SLC23A2: variants seen among roughly 807,000 people sequenced by gnomAD.
SLC23A2 encodes Na(+)/L-ascorbic acid transporter 2.
Under a neutral mutation model 73.3 loss-of-function variants are expected in SLC23A2, and 36 were observed. The observed-to-expected ratio is 0.49, with a 90% CI of 0.38 to 0.65. The LOEUF is 0.65. Among genes scored for constraint, SLC23A2 ranks in the 30% least tolerant of loss-of-function variants. The probability of loss-of-function intolerance (pLI) is 0.00; values close to 1 mark genes in which losing one functional copy is unlikely to be tolerated. For missense variants in SLC23A2, 507 were observed against 841.6 expected (o/e 0.60, Z 4.92); for synonymous variants, 343 against 327.3 (o/e 1.05, Z -0.52).
At chr20:4,934,315 C>T (rs1041839592) in intron 2 of SLC23A2, among the ~76,000 whole-genome samples, 3 of 152,060 alleles carry the variant, frequency 2.0e-5, no homozygotes, top group Non-Finnish European at 1.5e-5. Context: ...TAAATAGAGG[C>T]CAGGTGTGCT....
chr20:4,857,279 CACAT>C lies in SLC23A2; in HGVS notation c.1721-79_1721-76del, dbSNP rs1278263783. 67 of 543,816 alleles carry C rather than the reference CACAT, an allele frequency of 1.2e-4. No individual in the cohort carries two copies. Among genetic ancestry groups the C allele is most frequent in the South Asian group, 1.4e-4 (7 of 49,010 alleles). 33.7% of individuals were successfully genotyped at this position (543,816 alleles called of 1,614,324 possible). A position where few individuals can be genotyped will look rare whatever the true frequency, so the allele number is the denominator to read the frequency against. On this transcript the variant is annotated intron_variant, in intron 16 of 16. Coordinates refer to ENST00000338244, the MANE Select transcript of SLC23A2 (RefSeq NM_005116.6). The surrounding 1 kb of genome is among the most constrained non-coding windows in gnomAD (Gnocchi z 4.0). ...TACTGAAAATGAAACTGTCGTCAAA[CACAT>C]ACACACACACACACACACACACACA...
At chr20:4,961,157 G>A (rs1413473671) in intron 2 of SLC23A2, among the ~76,000 whole-genome samples, 1 of 149,916 alleles carries the variant, frequency 6.7e-6, no homozygotes, top group Non-Finnish European at 1.5e-5. Flanking sequence ...GCCCAGGCTG[G>A]AGTGCGGCGG....
In SLC23A2 at chr20:4,955,356, AACACACACACACACACACACAC is replaced by A. The variant is rs71197734; in HGVS notation, c.-155+15415_-155+15436del. 4.8e-5 allele frequency among the ~76,000 whole-genome samples: 7 copies of A among 144,720 alleles called. No homozygotes were observed. In the South Asian group the frequency reaches 6.9e-4, roughly 14 times the overall value. The allele number at this position is 144,720 out of a possible 152,430, so 94.9% of individuals were successfully genotyped here. Reference sequence around the variant, plus strand: ...TCTGTCTACCCAGAAAATGAGTTAAAACACACACACACACACACACACACACACACACACACACACACCCTAG... The same window carrying A: ...TCTGTCTACCCAGAAAATGAGTTAAAACACACACACACACACACACCCTAG... On this transcript the variant is annotated intron_variant, in intron 2 of 16. Transcript: ENST00000338244.
chr20:4,987,571 G>C (rs149945641), intron 1 of SLC23A2, among the ~76,000 whole-genome samples: 1 of 152,162 alleles, frequency 6.6e-6, no homozygotes, highest in Non-Finnish European at 1.5e-5. Context: ...CTATGTGGCC[G>C]GGCGCGGTGG....
rs1464746852 is a variant in SLC23A2 at position 4,854,876 on chromosome 20, T to C, written c.*2096A>G. ...TCTGCTCACCTGGAGAGCTAGAAGA[T>C]TGCAAATCTCTGGGATGTTTAGCAG... On this transcript the variant is annotated 3_prime_UTR_variant, in exon 17 of 17. Coordinates refer to ENST00000338244, the MANE Select transcript of SLC23A2 (RefSeq NM_005116.6). 3.3e-5 allele frequency: 5 copies of C among 152,224 alleles called. No homozygotes were observed. Among genetic ancestry groups the C allele is most frequent in the African/African-American group, 1.2e-4 (5 of 41,416 alleles). The allele number at this position is 152,224 out of a possible 1,614,324, so 9.4% of individuals were successfully genotyped here. A position where few individuals can be genotyped will look rare whatever the true frequency, so the allele number is the denominator to read the frequency against.
intron 13 of SLC23A2, among the ~76,000 whole-genome samples, chr20:4,865,150 A>G (rs1930139433): frequency 6.6e-6 from 1 of 152,106 alleles, no homozygotes; most frequent in Non-Finnish European, 1.5e-5. Context: ...TCCCTCCTGA[A>G]CTGTGGCTCT....
chr20:4,970,543 GAT>G (rs1416909242), intron 2 of SLC23A2, among the ~76,000 whole-genome samples: 1 of 151,946 alleles, frequency 6.6e-6, no homozygotes, highest in African/African-American at 2.4e-5. Flanking sequence ...AACCAGCCTA[GAT>G]AATATAGTGA....
At chr20:4,975,914 C>T (rs1279654505) in intron 1 of SLC23A2, among the ~76,000 whole-genome samples, 2 of 146,172 alleles carry the variant, frequency 1.4e-5, no homozygotes, top group Admixed American at 6.8e-5. Context: ...AGTGCAGTGG[C>T]GCGATCTCGG....
intron 4 of SLC23A2, among the ~76,000 whole-genome samples, chr20:4,907,938 GA>G (rs201320859): frequency 0.011 from 1,687 of 151,386 alleles, 13 homozygotes; most frequent in Non-Finnish European, 0.018. Context: ...AGATGGAAAG[GA>G]AAAAAAATAC....
intron 2 of SLC23A2, among the ~76,000 whole-genome samples, chr20:4,948,175 C>T (rs1404691288): frequency 6.6e-6 from 1 of 152,188 alleles, no homozygotes; most frequent in Non-Finnish European, 1.5e-5. Flanking sequence ...GACTCACCAG[C>T]CCTCTCTGTG....
At position 5,001,390 on chromosome 20, in the gene SLC23A2, G is replaced by A. The variant is rs1446850937; in HGVS notation, c.-282+16C>T. Reference sequence around the variant, plus strand: ...GCCCGCAGGCCGGGCAGGGGGCGCGGCGGCCGGGCTCTCACCTGGCTGCAG... The same window carrying A: ...GCCCGCAGGCCGGGCAGGGGGCGCGACGGCCGGGCTCTCACCTGGCTGCAG... On this transcript the variant is annotated intron_variant, in intron 1 of 16. Transcript: ENST00000338244. 2 of 147,128 alleles carry A rather than the reference G, an allele frequency of 1.4e-5. No individual in the cohort carries two copies. Among genetic ancestry groups the A allele is most frequent in the South Asian group, 2.1e-4 (1 of 4,824 alleles). The allele number at this position is 147,128 out of a possible 1,614,324, so 9.1% of individuals were successfully genotyped here. A position where few individuals can be genotyped will look rare whatever the true frequency, so the allele number is the denominator to read the frequency against.
intron 3 of SLC23A2, among the ~76,000 whole-genome samples, chr20:4,918,481 T>TA (rs1932399603): frequency 6.6e-6 from 1 of 152,232 alleles, no homozygotes; most frequent in African/African-American, 2.4e-5. Context: ...AGTCAAGTCT[T>TA]ACACTTGTCT....
intron 4 of SLC23A2, among the ~76,000 whole-genome samples, chr20:4,904,846 GCAGTGGCTCA>G: frequency 6.6e-6 from 1 of 152,294 alleles, no homozygotes; most frequent in South Asian, 2.1e-4. Context: ...TTGGCTAGGT[GCAGTGGCTCA>G]CATCTGTAAT....
intron 9 of SLC23A2, among the ~76,000 whole-genome samples, chr20:4,879,760 T>C (rs1489604148): frequency 6.6e-6 from 1 of 152,216 alleles, no homozygotes; most frequent in East Asian, 1.9e-4. Flanking sequence ...TGATCATCTG[T>C]GAATTCTTGA....
chr20:4,906,428 A>G (rs369492544), intron 4 of SLC23A2, among the ~76,000 whole-genome samples: 3 of 152,214 alleles, frequency 2.0e-5, no homozygotes, highest in East Asian at 3.9e-4. Flanking sequence ...CCTGGCCAAC[A>G]TGGTGAAACC....
chr20:4,972,924 G>C (rs2087587651), intron 1 of SLC23A2, among the ~76,000 whole-genome samples: 1 of 152,080 alleles, frequency 6.6e-6, no homozygotes, highest in South Asian at 2.1e-4. Flanking sequence ...TCAGAAGGGA[G>C]GCACAAAGGT....
rs1040598393 is a variant in SLC23A2, at chr20:4,868,725, T to G, written c.1251-850A>C. Reference sequence around the variant, plus strand: ...GGTACCAGAGCCAAGGCCCAGTCCATTAATCTCATCACACACAGTCCCTTC... The same window carrying G: ...GGTACCAGAGCCAAGGCCCAGTCCAGTAATCTCATCACACACAGTCCCTTC... On this transcript the variant is annotated intron_variant, in intron 12 of 16. Coordinates refer to ENST00000338244, the MANE Select transcript of SLC23A2 (RefSeq NM_005116.6). The surrounding 1 kb of genome is among the most constrained non-coding windows in gnomAD (Gnocchi z 4.4). Among the ~76,000 whole-genome samples the G allele has an allele frequency of 2.0e-5, 3 of 152,196 alleles. No individual in the cohort carries two copies. Among genetic ancestry groups the G allele is most frequent in the Non-Finnish European group, 4.4e-5 (3 of 68,044 alleles).
intron 1 of SLC23A2, among the ~76,000 whole-genome samples, chr20:4,978,254 C>A (rs988986863): frequency 2.4e-4 from 36 of 152,302 alleles, no homozygotes; most frequent in Admixed American, 3.9e-4. Flanking sequence ...TCAGTTAACA[C>A]AAATGGTTCT....
intron 4 of SLC23A2, among the ~76,000 whole-genome samples, chr20:4,907,288 T>A (rs74333140): frequency 1.3e-5 from 2 of 152,142 alleles, no homozygotes; most frequent in Non-Finnish European, 2.9e-5. Flanking sequence ...GTGACATCTA[T>A]AGATCCCACA....
Sources: allele counts gnomAD v4.1 joint callset (sites outside exome capture counted in the v4.1 genomes callset), GRCh38; gene constraint gnomAD v4.1.1; non-coding constraint Gnocchi (gnomAD v3.1); transcripts MANE v1.5; gene names NCBI Gene and HGNC (gene_info 2026-07-23, HGNC 2026-07-21).